Variants in GPC5 observed in about 807,000 individuals in gnomAD.
GPC5 encodes the protein glypican 5.
Under a neutral mutation model 53.9 loss-of-function variants are expected in GPC5, and 47 were observed. The observed-to-expected ratio is 0.87, with a 90% confidence interval of 0.69 to 1.11. The LOEUF (loss-of-function observed/expected upper bound fraction) is 1.11. Ranked by LOEUF, GPC5 falls within the 50% of genes most tolerant of loss-of-function variation. The probability of loss-of-function intolerance (pLI) is 0.00; values close to 1 mark genes in which losing one functional copy is unlikely to be tolerated. For missense variants in GPC5, 748 were observed against 713.1 expected, an observed-to-expected ratio of 1.05 and a Z score of -0.56; for synonymous variants, 286 against 263.3, an observed-to-expected ratio of 1.09 and a Z score of -0.84.
chr13:91,900,080 T>A (rs2039482625), intron 5 of GPC5, among the ~76,000 whole-genome samples: 1 of 152,170 alleles, frequency 6.6e-6, no homozygotes, highest in African/African-American at 2.4e-5. Flanking sequence ...GCAAGTAATT[T>A]TAAAGTATAT....
intron 2 of GPC5, among the ~76,000 whole-genome samples, chr13:91,678,210 G>A (rs2035427414): frequency 6.6e-6 from 1 of 152,220 alleles, no homozygotes; most frequent in Non-Finnish European, 1.5e-5. Flanking sequence ...TGTAGGAATC[G>A]CTCAACTATG....
chr13:92,171,213 T>C (rs1462375238), intron 7 of GPC5, among the ~76,000 whole-genome samples: 1 of 152,170 alleles, frequency 6.6e-6, no homozygotes, highest in Admixed American at 6.5e-5. Context: ...CACTTTTTTG[T>C]TCTATGTACC....
chr13:92,618,630 G>A lies in GPC5; in HGVS notation c.1562-247652G>A, dbSNP rs1165275963. Reference sequence around the variant, plus strand: ...TTTCAACTCACATATTAATAGACATGTTGCTGACAAGTTGAATAACTTCAA... The same window carrying A: ...TTTCAACTCACATATTAATAGACATATTGCTGACAAGTTGAATAACTTCAA... On this transcript the variant is annotated intron_variant, in intron 7 of 7. Transcript: ENST00000377067. Among the ~76,000 whole-genome samples the A allele has an allele frequency of 2.7e-5, 4 of 149,656 alleles. No homozygotes were observed. The Admixed American group carries it at 2.7e-4, about 10-fold the overall frequency.
rs1323023652 is a variant in GPC5 at position 91,478,822 on chromosome 13, T to TATACACACAC, written c.325+29901_325+29902insTACACACACA. Among the ~76,000 whole-genome samples, 123 of 92,122 alleles carry TATACACACAC rather than the reference T, an allele frequency of 1.3e-3. 4 individuals carry two copies. Among genetic ancestry groups the TATACACACAC allele is most frequent in the African/African-American group, 6.2e-3 (120 of 19,316 alleles). The allele number at this position is 92,122 out of a possible 152,430, so 60.4% of individuals were successfully genotyped here. On this transcript the variant is annotated intron_variant, in intron 2 of 7. Transcript: ENST00000377067. Reference sequence around the variant, plus strand: ...ATATATATATATATATATATATATATACACACACACACATATATATACACA... The same window carrying TATACACACAC: ...ATATATATATATATATATATATATATATACACACACACACACACACACATATATATACACA...
intron 7 of GPC5, among the ~76,000 whole-genome samples, chr13:92,758,705 G>T (rs1200649356): frequency 6.6e-6 from 1 of 151,996 alleles, no homozygotes; most frequent in Non-Finnish European, 1.5e-5. Context: ...GTTTTATTAA[G>T]TTATGGTTTT....
At chr13:92,236,200 CTG>C (rs1340084514) in intron 7 of GPC5, among the ~76,000 whole-genome samples, 6 of 152,108 alleles carry the variant, frequency 3.9e-5, no homozygotes, top group African/African-American at 7.2e-5. Context: ...GACTGCATGT[CTG>C]TGTACTATTG....
At chr13:92,678,014 GTTAA>G (rs898222295) in intron 7 of GPC5, among the ~76,000 whole-genome samples, 2 of 152,206 alleles carry the variant, frequency 1.3e-5, no homozygotes, top group African/African-American at 2.4e-5. Flanking sequence ...TATTTCCCAA[GTTAA>G]TTATAGTATA....
chr13:92,255,018 A>G (rs1264872746), intron 7 of GPC5, among the ~76,000 whole-genome samples: 1 of 152,162 alleles, frequency 6.6e-6, no homozygotes. Context: ...ATCAAAATAC[A>G]CTATAACTAC....
chr13:91,963,530 T>C (rs936225544), intron 6 of GPC5, among the ~76,000 whole-genome samples: 5 of 152,154 alleles, frequency 3.3e-5, no homozygotes, highest in African/African-American at 1.2e-4. Context: ...TGGTATCTAT[T>C]GTTGGAAGTG....
At chr13:91,576,321 G>GTA (rs59110803) in intron 2 of GPC5, among the ~76,000 whole-genome samples, 68,115 of 115,552 alleles carry the variant, frequency 0.59, 18,505 homozygotes, top group East Asian at 0.75. Context: ...TACACAATGT[G>GTA]TATATATATA....
intron 7 of GPC5, among the ~76,000 whole-genome samples, chr13:92,304,792 C>T (rs1056987288): frequency 1.3e-5 from 2 of 152,070 alleles, no homozygotes; most frequent in East Asian, 3.9e-4. Flanking sequence ...AAATTTGTTT[C>T]TCTCCTCTTA....
Position 91,470,563 on chromosome 13 carries a change from C to A in GPC5, c.325+21641C>A, listed in dbSNP as rs536573300. ...ATGATTTGTGACCCATTGAAGTCAT[C>A]TGCATTATTCTGAATCATGCAAATA... On this transcript the variant is annotated intron_variant, in intron 2 of 7. Transcript: ENST00000377067. Among the ~76,000 whole-genome samples the A allele has an allele frequency of 3.3e-5, 5 of 152,202 alleles. No homozygotes were observed. In the East Asian group the frequency reaches 9.7e-4, roughly 29 times the overall value.
intron 5 of GPC5, among the ~76,000 whole-genome samples, chr13:91,850,430 C>T (rs2038899666): frequency 6.6e-6 from 1 of 152,078 alleles, no homozygotes; most frequent in South Asian, 2.1e-4. Flanking sequence ...GGATTTAATG[C>T]TGCCCTCTGC....
At chr13:91,535,336 TTGTC>T (rs1886540377) in intron 2 of GPC5, among the ~76,000 whole-genome samples, 1 of 152,174 alleles carries the variant, frequency 6.6e-6, no homozygotes, top group Non-Finnish European at 1.5e-5. Flanking sequence ...CCAGTTGTCT[TTGTC>T]TGTTTGGCTA....
chr13:91,839,307 A>G (rs1181454641), intron 5 of GPC5, among the ~76,000 whole-genome samples: 1 of 152,150 alleles, frequency 6.6e-6, no homozygotes, highest in Non-Finnish European at 1.5e-5. Flanking sequence ...TTGGAATTTC[A>G]GTATGATAAC....
At chr13:91,451,175 T>C (rs1362751909) in intron 2 of GPC5, among the ~76,000 whole-genome samples, 1 of 152,196 alleles carries the variant, frequency 6.6e-6, no homozygotes, top group Non-Finnish European at 1.5e-5. Context: ...TCAATTAACT[T>C]CTCAAATGAT....
chr13:91,584,019 C>T (rs1446940358), intron 2 of GPC5, among the ~76,000 whole-genome samples: 1 of 152,106 alleles, frequency 6.6e-6, no homozygotes, highest in Non-Finnish European at 1.5e-5. Flanking sequence ...ATGAAGCCAT[C>T]AAGAGGCCCA....
intron 7 of GPC5, among the ~76,000 whole-genome samples, chr13:92,394,940 G>C (rs575247609): frequency 6.6e-6 from 1 of 152,026 alleles, no homozygotes; most frequent in African/African-American, 2.4e-5. Context: ...TGACTATGTC[G>C]TTTATTGCAA....
At chr13:91,445,666 G>T (rs1880751169) in intron 1 of GPC5, among the ~76,000 whole-genome samples, 1 of 152,110 alleles carries the variant, frequency 6.6e-6, no homozygotes, top group South Asian at 2.1e-4. Flanking sequence ...GTAGAGATGG[G>T]GTTTTGCCAT....
Sources: gnomAD v4.1 joint callset for allele counts (sites outside exome capture counted in the v4.1 genomes callset) on GRCh38, gnomAD v4.1.1 for gene constraint, MANE v1.5 for transcripts, NCBI Gene and HGNC (gene_info 2026-07-23, HGNC 2026-07-21) for gene names.